The following RNF180 variants were observed in gnomAD, a reference collection of about 807,000 sequenced individuals.
RNF180 encodes E3 ubiquitin-protein ligase RNF180.
A neutral mutation model predicts 59.2 loss-of-function variants in RNF180; 38 were observed. The ratio of observed to expected loss-of-function variants is 0.64; its 90% confidence interval spans 0.50 to 0.84. The LOEUF is 0.84. Among genes scored for constraint, RNF180 ranks in the 40% least tolerant of loss-of-function variants. RNF180 has a pLI of 0.00. For missense variants in RNF180, 705 were observed against 700.9 expected (o/e 1.01, Z -0.07); for synonymous variants, 262 against 240.3 (o/e 1.09, Z -0.84).
At chr5:64,233,367 G>C (rs913075168) in intron 5 of RNF180, among the ~76,000 whole-genome samples, 16 of 152,162 alleles carry the variant, frequency 1.1e-4, no homozygotes, top group African/African-American at 3.9e-4. Flanking sequence ...GATTTCAGCA[G>C]TTATAGGACT....
rs546437069 is a variant in RNF180 at position 64,237,675 on chromosome 5, A to G, written c.1227+20279A>G. Reference sequence around the variant, plus strand: ...TGTGTCCCCACCGAAATCTCATCTCAAATTGTAATCCCCACGTATTGAGGA... The same window carrying G: ...TGTGTCCCCACCGAAATCTCATCTCGAATTGTAATCCCCACGTATTGAGGA... On this transcript the variant is annotated intron_variant, in intron 5 of 7. Coordinates refer to ENST00000389100, the MANE Select transcript of RNF180 (RefSeq NM_001113561.2). Among the ~76,000 whole-genome samples, 36 of 152,282 alleles carry G rather than the reference A, an allele frequency of 2.4e-4. No individual in the cohort carries two copies. The East Asian group carries it at 6.9e-3, about 29-fold the overall frequency.
chr5:64,347,933 T>C (rs1490688572), intron 7 of RNF180, among the ~76,000 whole-genome samples: 1 of 152,144 alleles, frequency 6.6e-6, no homozygotes, highest in Non-Finnish European at 1.5e-5. Context: ...TTGCTAAGAT[T>C]ACATTGTAAT....
intron 7 of RNF180, among the ~76,000 whole-genome samples, chr5:64,335,823 G>T (rs922894029): frequency 6.6e-6 from 1 of 152,184 alleles, no homozygotes. Context: ...CTTGGGAAAT[G>T]GGGTCCTATT....
chr5:64,223,513 T>C (rs994495553), intron 5 of RNF180, among the ~76,000 whole-genome samples: 2 of 151,478 alleles, frequency 1.3e-5, no homozygotes, highest in Non-Finnish European at 2.9e-5. Flanking sequence ...TTAGAGATAA[T>C]TTCTATTATT....
intron 7 of RNF180, among the ~76,000 whole-genome samples, chr5:64,350,841 A>G (rs1270287680): frequency 1.3e-5 from 2 of 152,064 alleles, no homozygotes; most frequent in East Asian, 1.9e-4. Context: ...GTCAGGTAGC[A>G]TGATGCCTCC....
chr5:64,310,158 T>C (rs993418291), intron 5 of RNF180, among the ~76,000 whole-genome samples: 2 of 151,828 alleles, frequency 1.3e-5, no homozygotes, highest in African/African-American at 2.4e-5. Context: ...CAACAAAGTA[T>C]TAGCAAACCA....
intron 1 of RNF180, among the ~76,000 whole-genome samples, chr5:64,169,873 T>C (rs1347538617): frequency 6.6e-6 from 1 of 152,258 alleles, no homozygotes; most frequent in Admixed American, 6.5e-5. Context: ...TAAATTCTAA[T>C]CATTACTTCA....
At chr5:64,185,508 T>C (rs1380242134) in intron 1 of RNF180, among the ~76,000 whole-genome samples, 3 of 152,210 alleles carry the variant, frequency 2.0e-5, no homozygotes, top group Non-Finnish European at 4.4e-5. Flanking sequence ...ATGTAAATCA[T>C]AATTTAGTTT....
At chr5:64,170,253 C>T (rs1749870626) in intron 1 of RNF180, among the ~76,000 whole-genome samples, 4 of 152,190 alleles carry the variant, frequency 2.6e-5, no homozygotes, top group Admixed American at 2.6e-4. Flanking sequence ...TGCACTAAGT[C>T]AGTTTGAAAT....
rs367689363 is a variant in RNF180 at position 64,213,667 on chromosome 5, A to G, written c.341A>G (p.His114Arg). 25 of 1,614,016 alleles carry G rather than the reference A, an allele frequency of 1.5e-5. No individual in the cohort carries two copies. The highest frequency in any genetic ancestry group is 5.3e-5 in the African/African-American group (4 of 74,902). ...KCSCGQLAAV[H>R]LSKSRTDYQP... Reference sequence around the variant, plus strand: ...TCCTGTGGCCAGCTTGCAGCTGTACATCTCTCCAAGAGCCGGACTGATTAT... The same window carrying G: ...TCCTGTGGCCAGCTTGCAGCTGTACGTCTCTCCAAGAGCCGGACTGATTAT... The change falls in exon 4 of 8, where the codon CAT becomes CGT. Residue 114 changes from histidine to arginine, a missense_variant. His to Arg is a conservative substitution (Grantham distance 29). Coordinates refer to ENST00000389100, the MANE Select transcript of RNF180 (RefSeq NM_001113561.2).
At chr5:64,262,828 T>TC (rs1370020089) in intron 5 of RNF180, among the ~76,000 whole-genome samples, 1 of 152,164 alleles carries the variant, frequency 6.6e-6, no homozygotes, top group Non-Finnish European at 1.5e-5. Context: ...CTTTTTATTT[T>TC]CCCTCTAACC....
intron 5 of RNF180, among the ~76,000 whole-genome samples, chr5:64,296,520 G>C (rs1742888734): frequency 6.6e-6 from 1 of 152,034 alleles, no homozygotes; most frequent in South Asian, 2.1e-4. Flanking sequence ...CTGAAGTTTT[G>C]TGCAATACAG....
chr5:64,193,542 A>G (rs1310395034), intron 1 of RNF180, among the ~76,000 whole-genome samples: 1 of 152,236 alleles, frequency 6.6e-6, no homozygotes, highest in Admixed American at 6.5e-5. Context: ...TCTCAGCATT[A>G]CATTAGATCT....
At chr5:64,205,279 A>C (rs1167529339) in intron 2 of RNF180, among the ~76,000 whole-genome samples, 1 of 152,176 alleles carries the variant, frequency 6.6e-6, no homozygotes, top group Non-Finnish European at 1.5e-5. Flanking sequence ...AGCTTTAGTT[A>C]TCCAGCCACT....
At chr5:64,307,481 A>G (rs1382698184) in intron 5 of RNF180, among the ~76,000 whole-genome samples, 1 of 151,712 alleles carries the variant, frequency 6.6e-6, no homozygotes, top group Admixed American at 6.6e-5. Context: ...CATCCAGAGA[A>G]GACTTAAAAA....
chr5:64,313,277 A>G (rs553253196), intron 5 of RNF180, among the ~76,000 whole-genome samples: 68 of 152,156 alleles, frequency 4.5e-4, no homozygotes, highest in Non-Finnish European at 7.7e-4. Context: ...ATGGCACCCA[A>G]TAGGTAGTTT....
intron 5 of RNF180, among the ~76,000 whole-genome samples, chr5:64,277,535 G>T (rs1470304104): frequency 6.6e-6 from 1 of 152,076 alleles, no homozygotes; most frequent in African/African-American, 2.4e-5. Context: ...TAGGGGCTGG[G>T]CAGGTGGGAT....
intron 2 of RNF180, among the ~76,000 whole-genome samples, chr5:64,209,992 G>A (rs1407308610): frequency 2.6e-5 from 4 of 152,074 alleles, no homozygotes; most frequent in Non-Finnish European, 4.4e-5. Context: ...AAAATTTTGT[G>A]TATGAGTTGG....
At chr5:64,279,818 C>T (rs140028589) in intron 5 of RNF180, among the ~76,000 whole-genome samples, 12 of 152,222 alleles carry the variant, frequency 7.9e-5, no homozygotes, top group African/African-American at 1.7e-4. Context: ...TTTGGCCAGA[C>T]GTGGTGGCTC....
Sources: gnomAD v4.1 joint callset for allele counts (sites outside exome capture counted in the v4.1 genomes callset) on GRCh38, gnomAD v4.1.1 for gene constraint, MANE v1.5 for transcripts, NCBI Gene and HGNC (gene_info 2026-07-23, HGNC 2026-07-21) for gene names.